Variants in GTF2H1 observed in about 807,000 individuals in gnomAD.
GTF2H1 encodes the protein general transcription factor IIH subunit 1.
A neutral mutation model predicts 71.2 loss-of-function variants in GTF2H1; 16 were observed. The observed-to-expected ratio is 0.22, with a 90% CI of 0.15 to 0.34. The LOEUF (loss-of-function observed/expected upper bound fraction) is 0.34, where lower values mean the gene tolerates loss of function less well. GTF2H1 is among the 10% of genes least tolerant of loss of function. The probability of loss-of-function intolerance (pLI) is 1.00; values close to 1 mark genes in which losing one functional copy is unlikely to be tolerated. For missense variants in GTF2H1, 498 were observed against 648.2 expected, an observed-to-expected ratio of 0.77 and a Z score of 2.52; for synonymous variants, 215 against 219.0, an observed-to-expected ratio of 0.98 and a Z score of 0.16.
intron 11 of GTF2H1, among the ~76,000 whole-genome samples, chr11:18,353,456 G>A (rs990425073): frequency 2.0e-5 from 3 of 152,138 alleles, no homozygotes; most frequent in Non-Finnish European, 2.9e-5. Context: ...ACACTAAGCT[G>A]TCCAGAATCT....
chr11:18,356,852 C>G (rs1773172320), intron 11 of GTF2H1, among the ~76,000 whole-genome samples: 1 of 148,216 alleles, frequency 6.7e-6, no homozygotes, highest in African/African-American at 2.5e-5. Context: ...TGCAGTGACA[C>G]CATCTCAGCT....
rs1175489723 is a variant in GTF2H1 at position 18,338,252 on chromosome 11, T to C, written c.491T>C (p.Val164Ala). ...TCCACATCCAATCATAAGCAGGATGTTGGCATTTCTGCTGCATTTCTGGTA... is the reference window on the plus strand; with the variant it reads ...TCCACATCCAATCATAAGCAGGATGCTGGCATTTCTGCTGCATTTCTGGTA... ...SSSTSNHKQD[V>A]GISAAFLADV... The change falls in exon 4 of 15, where the codon GTT becomes GCT. Residue 164 changes from valine to alanine, a missense_variant. Val to Ala is a moderately conservative substitution (Grantham distance 64, BLOSUM62 0). This residue lies in a region of GTF2H1 where 216 missense variants were observed against 306.2 expected (regional missense o/e 0.71). Transcript: ENST00000265963. The C allele has an allele frequency of 6.2e-7, 1 of 1,611,244 alleles. No homozygotes were observed.
At chr11:18,360,363 C>T (rs563932340) in intron 13 of GTF2H1, among the ~76,000 whole-genome samples, 6 of 152,102 alleles carry the variant, frequency 3.9e-5, no homozygotes, top group South Asian at 2.1e-4. Flanking sequence ...CCTTGTGTTC[C>T]GCCCACCTCG....
chr11:18,357,147 A>T (rs188522922), intron 11 of GTF2H1, among the ~76,000 whole-genome samples: 563 of 152,224 alleles, frequency 3.7e-3, no homozygotes, highest in Non-Finnish European at 5.0e-3. Context: ...ACTCATAAAA[A>T]CTTCATTGGA....
intron 2 of GTF2H1, among the ~76,000 whole-genome samples, chr11:18,334,932 A>C (rs1350995303): frequency 1.3e-5 from 2 of 152,170 alleles, no homozygotes; most frequent in Non-Finnish European, 2.9e-5. Context: ...TAATGTTTAT[A>C]GTTGTGGTTT....
intron 14 of GTF2H1, among the ~76,000 whole-genome samples, chr11:18,361,610 G>C (rs1265212346): frequency 6.6e-6 from 1 of 152,174 alleles, no homozygotes; most frequent in Non-Finnish European, 1.5e-5. Context: ...CAGGGGTTGC[G>C]GTGAGCCGAG....
chr11:18,323,335 C>T (rs1267537100), intron 1 of GTF2H1, among the ~76,000 whole-genome samples: 1 of 151,780 alleles, frequency 6.6e-6, no homozygotes, highest in Non-Finnish European at 1.5e-5. Context: ...CTTGTTCTGT[C>T]GTCCTGGCTG....
rs1865446735 is a variant in GTF2H1 at position 18,352,352 on chromosome 11, T to C, written c.1166T>C (p.Ile389Thr). ...AGGTATTATCATGGTCCAACTCCAA[T>C]CCAGTCACTACAGTATGCAACAAGT... Reference protein sequence around the residue: ...SDRYYHGPTPIQSLQYATSQD... With the variant: ...SDRYYHGPTPTQSLQYATSQD... The change falls in exon 11 of 15, where the codon ATC (isoleucine) becomes ACC (threonine). Residue 389 changes from isoleucine (I) to threonine (T), a missense_variant. Ile to Thr is a moderately conservative substitution (Grantham distance 89). Transcript: ENST00000265963. The C allele has an allele frequency of 6.5e-7, 1 of 1,540,744 alleles. No individual in the cohort carries two copies. The highest frequency in any genetic ancestry group is 2.2e-5 in the East Asian group (1 of 44,466).
intron 1 of GTF2H1, among the ~76,000 whole-genome samples, chr11:18,329,218 T>G (rs2133953224): frequency 6.6e-6 from 1 of 152,360 alleles, no homozygotes; most frequent in Non-Finnish European, 1.5e-5. Context: ...AGCAGTCATC[T>G]AATCGGGCTT....
intron 1 of GTF2H1, among the ~76,000 whole-genome samples, chr11:18,331,637 G>A (rs551898158): frequency 6.6e-6 from 1 of 151,840 alleles, no homozygotes; most frequent in East Asian, 1.9e-4. Context: ...TTGCATTCCA[G>A]CCTGGGCAAC....
rs1446818729 is a variant in GTF2H1, at chr11:18,360,607, T to C, written c.1468-8T>C. On this transcript the variant is annotated splice_region_variant and splice_polypyrimidine_tract_variant and intron_variant, in intron 13 of 14. Coordinates refer to ENST00000265963, the MANE Select transcript of GTF2H1 (RefSeq NM_005316.4). ...TCTCTGTAATTTATTGTTTCTCATC[T>C]TTTTTAGGTAGTGAAAATGAAAAGT... 7.3e-7 allele frequency: 1 copy of C among 1,371,578 alleles called. No homozygotes were observed. Among genetic ancestry groups the C allele is most frequent in the Middle Eastern group, 1.9e-4 (1 of 5,228 alleles). The allele number at this position is 1,371,578 out of a possible 1,614,324, so 85.0% of individuals were successfully genotyped here. A position where few individuals can be genotyped will look rare whatever the true frequency, so the allele number is the denominator to read the frequency against.
intron 4 of GTF2H1, 75 bp from the exon 5 acceptor site, chr11:18,339,489 G>A: frequency 1.0e-6 from 1 of 972,480 alleles, no homozygotes; most frequent in Non-Finnish European, 1.6e-6. Flanking sequence ...TTCCACCTTT[G>A]TCCAGTGTCC....
chr11:18,363,822 C>G (rs1162299137), intron 14 of GTF2H1, among the ~76,000 whole-genome samples: 2 of 151,892 alleles, frequency 1.3e-5, no homozygotes, highest in Admixed American at 6.6e-5. Context: ...CCTGTAATCC[C>G]AGTACTTTGG....
At chr11:18,324,405 G>T (rs1313820099) in intron 1 of GTF2H1, 1 of 152,274 alleles carries the variant, frequency 6.6e-6, no homozygotes, top group African/African-American at 2.4e-5. Flanking sequence ...AGGAAACTTG[G>T]TGCAGTGTGG....
intron 9 of GTF2H1, 25 bp downstream of exon 9, chr11:18,347,944 T>C (rs777243758): frequency 4.1e-6 from 6 of 1,476,360 alleles, no homozygotes; most frequent in Non-Finnish European, 5.7e-6. Flanking sequence ...ATATGAACCA[T>C]TTGGGGCTCA....
In GTF2H1 at chr11:18,341,403, T is replaced by C; in HGVS notation, c.750T>C (p.Asp250=). ...TCTTTGCAGAATGTGCCAAAATAGA[T>C]GAAAAAGGTAACTGTTTATCTCTGA... ...KDLFAECAKI[D]EKGLKTMVSL... is the part of the protein sequence containing the mutation. The change falls in exon 6 of 15, where the codon GAT becomes GAC. Residue 250 remains aspartate (D), a synonymous_variant. Coordinates refer to ENST00000265963, the MANE Select transcript of GTF2H1 (RefSeq NM_005316.4). The C allele has an allele frequency of 6.2e-7, 1 of 1,613,482 alleles. No individual in the cohort carries two copies. Among genetic ancestry groups the C allele is most frequent in the African/African-American group, 1.3e-5 (1 of 75,018 alleles).
intron 4 of GTF2H1, among the ~76,000 whole-genome samples, chr11:18,339,235 T>G (rs933413568): frequency 3.2e-4 from 48 of 152,336 alleles, no homozygotes; most frequent in African/African-American, 1.2e-3. Flanking sequence ...TTAATTTAAT[T>G]ATTTACTAAC....
chr11:18,360,170 T>G (rs1865662356), intron 13 of GTF2H1, among the ~76,000 whole-genome samples: 3 of 152,178 alleles, frequency 2.0e-5, no homozygotes, highest in Admixed American at 2.0e-4. Flanking sequence ...GTCGGCAGGC[T>G]GGAGTGCAGT....
intron 2 of GTF2H1, 136 bp downstream of exon 2, chr11:18,333,364 TATA>T: frequency 4.8e-6 from 3 of 619,016 alleles, no homozygotes; most frequent in Non-Finnish European, 8.0e-6. Flanking sequence ...GGTCACTGAA[TATA>T]TACTGTTTTA....
Sources: gnomAD v4.1 joint callset for allele counts (sites outside exome capture counted in the v4.1 genomes callset) on GRCh38, gnomAD v4.1.1 for gene constraint, gnomAD v4.1.1 regional missense constraint, MANE v1.5 for transcripts, NCBI Gene and HGNC (gene_info 2026-07-23, HGNC 2026-07-21) for gene names.